The following SNTG1 variants were observed in gnomAD, a reference collection of about 807,000 sequenced individuals.
SNTG1 encodes gamma-1-syntrophin.
Under a neutral mutation model 74.7 loss-of-function variants are expected in SNTG1, and 39 were observed. That is an observed-to-expected ratio of 0.52 (90% confidence interval 0.40 to 0.68). The LOEUF (loss-of-function observed/expected upper bound fraction) is 0.68, where lower values mean the gene tolerates loss of function less well. SNTG1 is among the 30% of genes least tolerant of loss of function. The pLI is 0.00. For synonymous variants in SNTG1, 254 were observed against 217.1 expected (o/e 1.17, Z -1.49); for missense variants, 685 against 609.5 (o/e 1.12, Z -1.30).
intron 17 of SNTG1, among the ~76,000 whole-genome samples, chr8:50,719,769 A>G (rs1259810600): frequency 6.6e-6 from 1 of 152,200 alleles, no homozygotes; most frequent in Non-Finnish European, 1.5e-5. Flanking sequence ...TAAATATTGT[A>G]ATACATCAAC....
intron 18 of SNTG1, among the ~76,000 whole-genome samples, chr8:50,782,016 A>T (rs895348883): frequency 2.0e-5 from 3 of 152,176 alleles, no homozygotes; most frequent in Non-Finnish European, 4.4e-5. Context: ...TTTCTTTAAG[A>T]ATGTTGAATA....
At chr8:50,699,328 T>C (rs553536588) in intron 15 of SNTG1, among the ~76,000 whole-genome samples, 10 of 152,266 alleles carry the variant, frequency 6.6e-5, no homozygotes, top group African/African-American at 1.9e-4. Flanking sequence ...TACAGCTTTT[T>C]GGGAATGAAA....
intron 1 of SNTG1, among the ~76,000 whole-genome samples, chr8:50,149,379 GA>G (rs1346227387): frequency 6.6e-6 from 1 of 152,180 alleles, no homozygotes; most frequent in Admixed American, 6.5e-5. Context: ...TTGCTGTGCA[GA>G]AGCTCTTTAG....
chr8:50,578,557 A>G (rs1008378252), intron 12 of SNTG1, among the ~76,000 whole-genome samples: 1 of 152,164 alleles, frequency 6.6e-6, no homozygotes, highest in Non-Finnish European at 1.5e-5. Context: ...CTCATCTTGA[A>G]TTATAGTTCC....
chr8:50,268,522 C>G (rs1268821917), intron 2 of SNTG1, among the ~76,000 whole-genome samples: 2 of 152,054 alleles, frequency 1.3e-5, no homozygotes, highest in African/African-American at 4.8e-5. Context: ...TCACTCTAAC[C>G]AGTACTGACC....
chr8:50,668,695 CTG>C (rs1307463190), intron 15 of SNTG1, among the ~76,000 whole-genome samples: 1 of 151,778 alleles, frequency 6.6e-6, no homozygotes, highest in African/African-American at 2.4e-5. Context: ...GTTTCCCACC[CTG>C]TGTCCATGTG....
intron 1 of SNTG1, among the ~76,000 whole-genome samples, chr8:50,028,972 T>C (rs775591952): frequency 6.6e-6 from 1 of 152,170 alleles, no homozygotes; most frequent in Non-Finnish European, 1.5e-5. Flanking sequence ...AAATTGGATA[T>C]TTTGGTTTTT....
At chr8:50,227,921 C>CAAAAA (rs60255876) in intron 2 of SNTG1, among the ~76,000 whole-genome samples, 9 of 136,214 alleles carry the variant, frequency 6.6e-5, no homozygotes, top group Admixed American at 1.5e-4. Context: ...AAACAACAAC[C>CAAAAA]AAAAAAAAAA....
At chr8:50,254,954 T>G (rs1157172826) in intron 2 of SNTG1, among the ~76,000 whole-genome samples, 1 of 147,466 alleles carries the variant, frequency 6.8e-6, no homozygotes, top group Non-Finnish European at 1.5e-5. Context: ...GCCACTTTTT[T>G]TTTTTTTTTT....
chr8:50,581,264 A>T lies in SNTG1; in HGVS notation c.811-9615A>T, dbSNP rs558522727. On this transcript the variant is annotated intron_variant, in intron 12 of 18. Coordinates refer to ENST00000642720, the MANE Select transcript of SNTG1 (RefSeq NM_018967.5). ...TGCTCTGCAACAAAGGAGGTAGATC[A>T]CTTGCAGAAGTCACCAGTGATAAGG... Among the ~76,000 whole-genome samples the T allele has an allele frequency of 9.8e-5, 15 of 152,348 alleles. 1 individual carries two copies. In the South Asian group the frequency reaches 1.7e-3, roughly 17 times the overall value.
chr8:50,276,957 G>A (rs1424713469), intron 2 of SNTG1, among the ~76,000 whole-genome samples: 1 of 151,956 alleles, frequency 6.6e-6, no homozygotes, highest in Non-Finnish European at 1.5e-5. Context: ...AGCCTCCCAA[G>A]TAGCTGAGAC....
intron 4 of SNTG1, among the ~76,000 whole-genome samples, chr8:50,436,077 C>T (rs541671012): frequency 1.4e-4 from 22 of 152,224 alleles, no homozygotes; most frequent in Admixed American, 3.9e-4. Flanking sequence ...CTAGGCAAAA[C>T]GCTCTACAAA....
At chr8:49,971,694 A>C (rs1369674716) in intron 1 of SNTG1, among the ~76,000 whole-genome samples, 2 of 152,190 alleles carry the variant, frequency 1.3e-5, no homozygotes, top group Non-Finnish European at 2.9e-5. Context: ...AATGTGCAAA[A>C]ATCACAAGCA....
At chr8:50,689,157 C>T (rs2095366293) in intron 15 of SNTG1, among the ~76,000 whole-genome samples, 1 of 151,428 alleles carries the variant, frequency 6.6e-6, no homozygotes, top group Non-Finnish European at 1.5e-5. Context: ...TGGGCTGAGA[C>T]AATGGGGTTT....
chr8:50,201,211 T>C (rs1434841378), intron 2 of SNTG1, among the ~76,000 whole-genome samples: 1 of 152,226 alleles, frequency 6.6e-6, no homozygotes, highest in Non-Finnish European at 1.5e-5. Flanking sequence ...TAGAGTTTTC[T>C]CATTTATCTG....
chr8:50,697,462 G>A (rs1415232368), intron 15 of SNTG1, among the ~76,000 whole-genome samples: 1 of 152,098 alleles, frequency 6.6e-6, no homozygotes, highest in African/African-American at 2.4e-5. Context: ...TTATTACTAT[G>A]TTAAATAGGA....
chr8:50,145,614 T>C (rs1586466606), intron 1 of SNTG1, among the ~76,000 whole-genome samples: 1 of 152,144 alleles, frequency 6.6e-6, no homozygotes, highest in South Asian at 2.1e-4. Context: ...GTTGGGGCGG[T>C]GTTGAGAAAC....
At chr8:50,451,764 G>A (rs1363717575) in intron 8 of SNTG1, among the ~76,000 whole-genome samples, 1 of 151,976 alleles carries the variant, frequency 6.6e-6, no homozygotes, top group Non-Finnish European at 1.5e-5. Context: ...TCTGTTGGGG[G>A]TGGTGAAATG....
rs1469100038 is a variant in SNTG1, at chr8:50,794,885, C to T, written c.*2056C>T. On this transcript the variant is annotated 3_prime_UTR_variant, in exon 19 of 19. Transcript: ENST00000642720. ...AAAATTGTGAAATTTTGTAAACGTT[C>T]CATTTTAGAATTTAAAAAACCTATT... is the stretch of plus-strand genomic sequence containing the variant. 1 of 151,934 alleles carries T rather than the reference C, an allele frequency of 6.6e-6. No homozygotes were observed. The highest frequency in any genetic ancestry group is 1.5e-5 in the Non-Finnish European group (1 of 67,950). 9.4% of individuals were successfully genotyped at this position (151,934 alleles called of 1,614,324 possible).
Sources: gnomAD v4.1 joint callset for allele counts (sites outside exome capture counted in the v4.1 genomes callset) on GRCh38, gnomAD v4.1.1 for gene constraint, MANE v1.5 for transcripts, NCBI Gene and HGNC (gene_info 2026-07-23, HGNC 2026-07-21) for gene names.